Variants in MAP2K5 observed in about 807,000 individuals in gnomAD.
MAP2K5 encodes the protein dual specificity mitogen-activated protein kinase kinase 5.
Under a neutral mutation model 83.1 loss-of-function variants are expected in MAP2K5, and 49 were observed. The observed-to-expected ratio is 0.59, with a 90% confidence interval of 0.47 to 0.75. MAP2K5 has a LOEUF of 0.75. MAP2K5 is among the 30% of genes least tolerant of loss of function. MAP2K5 has a pLI of 0.00. For missense variants in MAP2K5, 457 were observed against 557.5 expected, an observed-to-expected ratio of 0.82 and a Z score of 1.82; for synonymous variants, 202 against 191.8, an observed-to-expected ratio of 1.05 and a Z score of -0.44.
intron 16 of MAP2K5, among the ~76,000 whole-genome samples, chr15:67,718,706 G>A (rs561288522): frequency 9.4e-4 from 143 of 152,286 alleles, no homozygotes; most frequent in Non-Finnish European, 1.7e-3. Flanking sequence ...GGAGGTTGCA[G>A]TGAGCCGAGA....
intron 16 of MAP2K5, among the ~76,000 whole-genome samples, chr15:67,707,778 A>T (rs2088592138): frequency 6.6e-6 from 1 of 152,204 alleles, no homozygotes; most frequent in Non-Finnish European, 1.5e-5. Context: ...GAAAAGATAG[A>T]GGATCTCTTC....
chr15:67,758,354 TG>T lies in MAP2K5; in HGVS notation c.1134+9755del, dbSNP rs1212410443. Among the ~76,000 whole-genome samples, 5 of 152,058 alleles carry T rather than the reference TG, an allele frequency of 3.3e-5. No individual in the cohort carries two copies. The highest frequency in any genetic ancestry group is 3.9e-4 in the East Asian group (2 of 5,160). On this transcript the variant is annotated intron_variant, in intron 19 of 21. Coordinates refer to ENST00000178640, the MANE Select transcript of MAP2K5 (RefSeq NM_145160.3). This position sits in a 1 kb window ranked among gnomAD's most constrained non-coding sequence, Gnocchi z 4.7. ...AGGGCTTGGGCAGTCAGGTGCATGG[TG>T]GTACTCTCCTGAGATGGGGCACACG...
chr15:67,741,765 GAC>G (rs2089498424), intron 17 of MAP2K5, among the ~76,000 whole-genome samples: 1 of 152,148 alleles, frequency 6.6e-6, no homozygotes, highest in Non-Finnish European at 1.5e-5. Context: ...ATTCAAGAAA[GAC>G]AACATTGTGG....
intron 17 of MAP2K5, among the ~76,000 whole-genome samples, chr15:67,732,965 G>T (rs767422577): frequency 5.3e-5 from 8 of 152,150 alleles, no homozygotes; most frequent in African/African-American, 9.7e-5. Flanking sequence ...GGGGAGGGGG[G>T]GCTTAACAGC....
chr15:67,674,346 A>C (rs2141172429), intron 13 of MAP2K5, among the ~76,000 whole-genome samples: 1 of 152,298 alleles, frequency 6.6e-6, no homozygotes, highest in South Asian at 2.1e-4. Context: ...GCTAGTGTTG[A>C]GAGCACAGTT....
chr15:67,641,593 T>C, intron 9 of MAP2K5: 1 of 996,396 alleles, frequency 1.0e-6, no homozygotes, highest in Non-Finnish European at 1.2e-6. Flanking sequence ...ACTGCTTATA[T>C]TTAACTTGAC....
intron 19 of MAP2K5, among the ~76,000 whole-genome samples, chr15:67,765,231 C>T (rs1349430660): frequency 2.0e-5 from 3 of 152,088 alleles, no homozygotes; most frequent in Admixed American, 6.6e-5. Flanking sequence ...TGGTGGCGCA[C>T]GCCTGTAGTC....
At chr15:67,701,540 G>T (rs745688224) in intron 15 of MAP2K5, among the ~76,000 whole-genome samples, 50 of 152,258 alleles carry the variant, frequency 3.3e-4, no homozygotes, top group Admixed American at 1.0e-3. Flanking sequence ...GTAGAGAAAG[G>T]TTTCACCCTC....
At chr15:67,765,864 A>G (rs747366035) in intron 19 of MAP2K5, among the ~76,000 whole-genome samples, 5 of 152,234 alleles carry the variant, frequency 3.3e-5, no homozygotes, top group Admixed American at 1.3e-4. Flanking sequence ...TGAAGTTAAC[A>G]TACATTAAGC....
intron 19 of MAP2K5, among the ~76,000 whole-genome samples, chr15:67,756,478 A>G (rs998262777): frequency 1.5e-4 from 23 of 151,738 alleles, no homozygotes; most frequent in African/African-American, 4.1e-4. Context: ...AAGGATTACC[A>G]CAATCAAGCT....
chr15:67,593,958 C>T (rs897226861), intron 7 of MAP2K5, among the ~76,000 whole-genome samples: 3 of 152,178 alleles, frequency 2.0e-5, no homozygotes, highest in South Asian at 4.1e-4. Context: ...TTTAATATCA[C>T]CTGTAACATT....
intron 4 of MAP2K5, 198 bp from the exon 5 acceptor site, chr15:67,585,692 T>A: frequency 1.8e-6 from 1 of 544,256 alleles, no homozygotes; most frequent in Non-Finnish European, 3.3e-6. Context: ...GTCAGAAAGC[T>A]CTTTGCATTT....
chr15:67,784,444 C>T (rs188470327), intron 21 of MAP2K5, among the ~76,000 whole-genome samples: 58 of 152,314 alleles, frequency 3.8e-4, no homozygotes, highest in African/African-American at 1.4e-3. Context: ...AGCCAATGCC[C>T]CTGTAGGATG....
At chr15:67,595,664 G>A (rs2085508452) in intron 7 of MAP2K5, among the ~76,000 whole-genome samples, 1 of 151,968 alleles carries the variant, frequency 6.6e-6, no homozygotes, top group African/African-American at 2.4e-5. Flanking sequence ...TTAACACTTA[G>A]TCTTTGGAAT....
At chr15:67,597,167 C>CAAAAAAAGAAA (rs1304092817) in intron 7 of MAP2K5, among the ~76,000 whole-genome samples, 1 of 115,422 alleles carries the variant, frequency 8.7e-6, no homozygotes, top group African/African-American at 3.3e-5. Context: ...AGATCTGTCT[C>CAAAAAAAGAAA]AAAAAAAGAA....
At chr15:67,716,806 C>T (rs930026010) in intron 16 of MAP2K5, among the ~76,000 whole-genome samples, 1 of 152,148 alleles carries the variant, frequency 6.6e-6, no homozygotes, top group African/African-American at 2.4e-5. Flanking sequence ...AGGGTGACAA[C>T]ATCACACTTT....
At position 67,677,386 on chromosome 15, in the gene MAP2K5, C is replaced by A. The variant is rs1368260271; in HGVS notation, c.847+12741C>A. On this transcript the variant is annotated intron_variant, in intron 13 of 21. Transcript: ENST00000178640. The surrounding 1 kb of genome is among the most constrained non-coding windows in gnomAD (Gnocchi z 4.2). Reference sequence around the variant, plus strand: ...ACAATGAGAATTAAATGAGGTAATGCATATGATAATAATGCACTTAGCCCA... The same window carrying A: ...ACAATGAGAATTAAATGAGGTAATGAATATGATAATAATGCACTTAGCCCA... 2.0e-5 allele frequency among the ~76,000 whole-genome samples: 3 copies of A among 152,112 alleles called. No individual in the cohort carries two copies. In the South Asian group the frequency reaches 6.2e-4, roughly 32 times the overall value.
chr15:67,548,077 C>T (rs1448885618), intron 1 of MAP2K5, among the ~76,000 whole-genome samples: 3 of 152,254 alleles, frequency 2.0e-5, no homozygotes, highest in Admixed American at 6.5e-5. Flanking sequence ...TTGTTTATGT[C>T]GATGGGCTAA....
chr15:67,629,427 A>G (rs1285105634), intron 8 of MAP2K5, among the ~76,000 whole-genome samples: 1 of 151,338 alleles, frequency 6.6e-6, no homozygotes, highest in East Asian at 1.9e-4. Context: ...GTTGATTGCT[A>G]AATGCAATAG....
Sources: gnomAD v4.1 joint callset for allele counts (sites outside exome capture counted in the v4.1 genomes callset) on GRCh38, gnomAD v4.1.1 for gene constraint, Gnocchi (gnomAD v3.1) non-coding constraint, MANE v1.5 for transcripts, NCBI Gene and HGNC (gene_info 2026-07-23, HGNC 2026-07-21) for gene names.